Variants in MPDZ observed in about 807,000 individuals in gnomAD.
MPDZ encodes multiple PDZ domain protein.
In MPDZ, 234 loss-of-function variants were observed where a neutral mutation model predicts 239.1. That is an observed-to-expected ratio of 0.98 (90% CI 0.88 to 1.09). The LOEUF (loss-of-function observed/expected upper bound fraction) is 1.09. Ranked by LOEUF, MPDZ falls within the 50% of genes least tolerant of loss-of-function variation. The pLI, the probability that MPDZ is intolerant of heterozygous loss-of-function variation, is 0.00. For synonymous variants in MPDZ, 1,048 were observed against 881.3 expected, an observed-to-expected ratio of 1.19 and a Z score of -3.35; for missense variants, 3,175 against 2,510.0, an observed-to-expected ratio of 1.26 and a Z score of -5.66.
intron 25 of MPDZ, among the ~76,000 whole-genome samples, chr9:13,149,203 G>A (rs556740113): frequency 4.6e-5 from 7 of 151,728 alleles, no homozygotes; most frequent in South Asian, 4.2e-4. Context: ...AAAAAAAAAA[G>A]GACATGGTCC....
At chr9:13,183,305 G>T in intron 19 of MPDZ, 113 bp downstream of exon 19, 1 of 805,332 alleles carries the variant, frequency 1.2e-6, no homozygotes. Flanking sequence ...TCCACAACTG[G>T]AGAAACATAA....
At chr9:13,175,955 T>C in intron 20 of MPDZ, 80 bp from the exon 21 acceptor site, 1 of 1,491,330 alleles carries the variant, frequency 6.7e-7, no homozygotes, top group Non-Finnish European at 9.0e-7. Context: ...ATCACGCATG[T>C]TCTCTAATTG....
At chr9:13,230,236 A>G (rs1412155443) in intron 3 of MPDZ, among the ~76,000 whole-genome samples, 3 of 152,176 alleles carry the variant, frequency 2.0e-5, no homozygotes, top group Admixed American at 6.5e-5. Flanking sequence ...ACTGAAAAAT[A>G]GTTTCGCAGT....
At chr9:13,170,900 C>T (rs1951698441) in intron 21 of MPDZ, among the ~76,000 whole-genome samples, 1 of 152,196 alleles carries the variant, frequency 6.6e-6, no homozygotes, top group Non-Finnish European at 1.5e-5. Flanking sequence ...GTAATCTCCA[C>T]TAACCAGATT....
rs961105190 is a variant in MPDZ at position 13,117,448 on chromosome 9, G to A, written c.5379+2054C>T. On this transcript the variant is annotated intron_variant, in intron 39 of 46. Transcript: ENST00000319217. Reference sequence around the variant, plus strand: ...CAGGAGGCTGAGGCAGGAGAATGGCGTGAACCCGGGAGGCGGAGCTTGCAG... The same window carrying A: ...CAGGAGGCTGAGGCAGGAGAATGGCATGAACCCGGGAGGCGGAGCTTGCAG... 1.7e-4 allele frequency among the ~76,000 whole-genome samples: 26 copies of A among 151,424 alleles called. No individual in the cohort carries two copies. In the South Asian group the frequency reaches 2.5e-3, roughly 15 times the overall value.
At chr9:13,242,133 T>G (rs1434924487) in intron 3 of MPDZ, among the ~76,000 whole-genome samples, 1 of 151,266 alleles carries the variant, frequency 6.6e-6, no homozygotes, top group Non-Finnish European at 1.5e-5. Flanking sequence ...TAAAGAACAA[T>G]TACTATATTT....
At chr9:13,236,265 ATATTTTTTTTTTTT>A (rs1182127923) in intron 3 of MPDZ, among the ~76,000 whole-genome samples, 3 of 9,204 alleles carry the variant, frequency 3.3e-4, no homozygotes, top group African/African-American at 4.4e-4. Context: ...ATATATATAT[ATATTTTTTTTTTTT>A]TTTTTTTTTT....
chr9:13,188,299 C>T (rs1337361461), intron 17 of MPDZ, among the ~76,000 whole-genome samples: 1 of 152,058 alleles, frequency 6.6e-6, no homozygotes, highest in African/African-American at 2.4e-5. Flanking sequence ...AGGGGGATCA[C>T]TTGAGGTAAG....
chr9:13,193,280 C>T lies in MPDZ; in HGVS notation c.1690G>A (p.Gly564Arg). The change falls in exon 14 of 47, where the codon GGA (glycine) becomes AGA (arginine). Residue 564 changes from glycine to arginine, a missense_variant. By Grantham distance (125) the Gly-to-Arg change is moderately radical. Coordinates refer to ENST00000319217, the MANE Select transcript of MPDZ (RefSeq NM_001378778.1). ...AHVSKFSENS[G>R]LGISLEATVG... Reference sequence around the variant, plus strand: ...GTCGCTTCCAGGCTTATCCCCAATCCACTGTTCTCACTAAACTTGCTCACA... The same window carrying T: ...GTCGCTTCCAGGCTTATCCCCAATCTACTGTTCTCACTAAACTTGCTCACA... The T allele has an allele frequency of 1.2e-6, 2 of 1,611,248 alleles. No individual in the cohort carries two copies. Among genetic ancestry groups the T allele is most frequent in the Non-Finnish European group, 1.7e-6 (2 of 1,178,258 alleles).
At chr9:13,190,468 A>G (rs984149154) in intron 15 of MPDZ, among the ~76,000 whole-genome samples, 169 bp from the exon 16 acceptor site, 5 of 152,212 alleles carry the variant, frequency 3.3e-5, no homozygotes, top group African/African-American at 1.2e-4. Flanking sequence ...GTAATTACTG[A>G]AAGTTGTTAA....
In MPDZ at chr9:13,136,325, C is replaced by CTTTTTTTTTTTTTTTTTTT. The variant is rs869272418; in HGVS notation, c.4293-162_4293-144dup. 1.2e-3 allele frequency: 191 copies of CTTTTTTTTTTTTTTTTTTT among 156,702 alleles called. 16 individuals carry two copies. The highest frequency in any genetic ancestry group is 5.6e-3 in the African/African-American group (91 of 16,184). 9.7% of individuals were successfully genotyped at this position (156,702 alleles called of 1,614,324 possible). A position where few individuals can be genotyped will look rare whatever the true frequency, so the allele number is the denominator to read the frequency against. The stretch of plus-strand genomic sequence containing the variant: ...ACACTTACAAATTTACAAACGTTTT[C>CTTTTTTTTTTTTTTTTTTT]TTTTTTTTTTTTTTTTTTTTTTTTG... On this transcript the variant is annotated intron_variant, in intron 30 of 46. Coordinates refer to ENST00000319217, the MANE Select transcript of MPDZ (RefSeq NM_001378778.1).
At chr9:13,138,329 G>C (rs1434476860) in intron 28 of MPDZ, among the ~76,000 whole-genome samples, 176 bp from the exon 29 acceptor site, 4 of 152,148 alleles carry the variant, frequency 2.6e-5, no homozygotes, top group Non-Finnish European at 5.9e-5. Context: ...GTTTCCTGGA[G>C]GACCCAAACT....
intron 1 of MPDZ, among the ~76,000 whole-genome samples, chr9:13,271,933 C>T (rs975102950): frequency 1.3e-5 from 2 of 151,890 alleles, no homozygotes; most frequent in African/African-American, 4.8e-5. Flanking sequence ...CTCTAGAGAA[C>T]GCAAACTAAT....
chr9:13,200,931 G>A (rs1956308662), intron 12 of MPDZ, among the ~76,000 whole-genome samples: 1 of 151,968 alleles, frequency 6.6e-6, no homozygotes, highest in Admixed American at 6.6e-5. Flanking sequence ...GGGTCAATTT[G>A]GTCTACAATG....
intron 41 of MPDZ, 55 bp downstream of exon 41, chr9:13,113,876 A>C (rs925760708): frequency 3.2e-5 from 44 of 1,360,418 alleles, no homozygotes; most frequent in Non-Finnish European, 4.2e-5. Context: ...AAGACAAAAA[A>C]ATCAGTGTTG....
intron 3 of MPDZ, among the ~76,000 whole-genome samples, chr9:13,244,694 A>G (rs542115847): frequency 7.8e-4 from 118 of 152,122 alleles, no homozygotes; most frequent in African/African-American, 2.8e-3. Flanking sequence ...AAAGGGAAAC[A>G]GTTTGATTTC....
At position 13,147,601 on chromosome 9, in the gene MPDZ, T is replaced by C; in HGVS notation, c.3688A>G (p.Lys1230Glu). 6.2e-7 allele frequency: 1 copy of C among 1,612,484 alleles called. No homozygotes were observed. Among genetic ancestry groups the C allele is most frequent in the South Asian group, 1.1e-5 (1 of 91,040 alleles). The change falls in exon 26 of 47, where the codon AAA (lysine) becomes GAA (glutamate). Residue 1230 changes from lysine to glutamate, a missense_variant. Lys to Glu is a moderately conservative substitution (Grantham distance 56). Transcript: ENST00000319217. ...ATAAAGACTACAGGGTTGCCTGCTT[T>C]CCGAATGGCTTCCACAGCTTGTTCA... Reference protein sequence around the residue: ...SHEQAVEAIRKAGNPVVFMVQ... With the variant: ...SHEQAVEAIREAGNPVVFMVQ...
intron 38 of MPDZ, among the ~76,000 whole-genome samples, chr9:13,121,346 C>A (rs748727615): frequency 1.3e-5 from 2 of 152,098 alleles, no homozygotes; most frequent in Non-Finnish European, 2.9e-5. Flanking sequence ...TACCATGGGT[C>A]CCCCACAAAG....
chr9:13,258,801 A>T (rs1399441016), intron 1 of MPDZ, among the ~76,000 whole-genome samples: 1 of 152,188 alleles, frequency 6.6e-6, no homozygotes, highest in Non-Finnish European at 1.5e-5. Context: ...ATCTTCCTAA[A>T]TTTATTCAAT....
Sources: gnomAD v4.1 joint callset for allele counts (sites outside exome capture counted in the v4.1 genomes callset) on GRCh38, gnomAD v4.1.1 for gene constraint, MANE v1.5 for transcripts, NCBI Gene and HGNC (gene_info 2026-07-23, HGNC 2026-07-21) for gene names.